The following CAPN3 variants were observed in gnomAD, a reference collection of about 807,000 sequenced individuals.
The protein encoded by CAPN3 is calpain-3.
Under a neutral mutation model 114.0 loss-of-function variants are expected in CAPN3, and 88 were observed. The observed-to-expected ratio is 0.77, with a 90% CI of 0.65 to 0.92. The LOEUF (loss-of-function observed/expected upper bound fraction) is 0.92, where lower values mean the gene tolerates loss of function less well. CAPN3 is among the 40% of genes least tolerant of loss of function. CAPN3 has a pLI of 0.00. For missense variants in CAPN3, 1,028 were observed against 1,069.0 expected, an observed-to-expected ratio of 0.96 and a Z score of 0.53; for synonymous variants, 386 against 382.9, an observed-to-expected ratio of 1.01 and a Z score of -0.09.
intron 14 of CAPN3, chr15:42,404,690 A>G: frequency 1.7e-6 from 2 of 1,184,564 alleles, no homozygotes; most frequent in Non-Finnish European, 2.1e-6. Flanking sequence ...TAGTCAGCTG[A>G]CAGTCCTTTG....
Position 42,409,995 on chromosome 15 carries a change from T to C in CAPN3, c.2115T>C (p.Asp705=), listed in dbSNP as rs2054158589. The C allele has an allele frequency of 3.1e-6, 5 of 1,611,788 alleles. No homozygotes were observed. The highest frequency in any genetic ancestry group is 4.2e-6 in the Non-Finnish European group (5 of 1,179,688). ...ESCRSMIALM[D]TDGSGKLNLQ... is the part of the protein sequence containing the mutation. ...GCCGTAGCATGATTGCGCTCATGGA[T>C]GTATCCTTCCTGCCGCCCCTTCCCG... Residue 705 remains aspartate (D), a splice_region_variant and synonymous_variant, in exon 19 of 24, where the codon GAT becomes GAC. Transcript: ENST00000397163.
chr15:42,378,974 G>C (rs1298263767), intron 1 of CAPN3, among the ~76,000 whole-genome samples: 1 of 152,058 alleles, frequency 6.6e-6, no homozygotes, highest in Non-Finnish European at 1.5e-5. Flanking sequence ...TTGATTTCGA[G>C]TATCATTCCA....
Position 42,410,413 on chromosome 15 carries a change from A to C in CAPN3, c.2116-15A>C. 6.2e-7 allele frequency: 1 copy of C among 1,613,272 alleles called. No individual in the cohort carries two copies. The highest frequency in any genetic ancestry group is 8.5e-7 in the Non-Finnish European group (1 of 1,179,662). On this transcript the variant is annotated splice_polypyrimidine_tract_variant and intron_variant, in intron 19 of 23. Coordinates refer to ENST00000397163, the MANE Select transcript of CAPN3 (RefSeq NM_000070.3). ...TTTTGCTGTGTGCTGTGTAGCCCTG[A>C]CCTCCCTCCTCCAGACAGATGGCTC...
intron 1 of CAPN3, among the ~76,000 whole-genome samples, chr15:42,360,388 C>T (rs1438185537): frequency 6.6e-6 from 1 of 151,536 alleles, no homozygotes; most frequent in Non-Finnish European, 1.5e-5. Context: ...AAAAATCTTG[C>T]TTTTTATAAA....
At chr15:42,388,488 G>A (rs1452761548) in intron 4 of CAPN3, among the ~76,000 whole-genome samples, 1 of 151,994 alleles carries the variant, frequency 6.6e-6, no homozygotes, top group Non-Finnish European at 1.5e-5. Context: ...GTATTTTTTT[G>A]TAGAGACGGG....
At chr15:42,361,099 A>G (rs1034422025) in intron 1 of CAPN3, among the ~76,000 whole-genome samples, 1 of 152,194 alleles carries the variant, frequency 6.6e-6, no homozygotes, top group Non-Finnish European at 1.5e-5. Flanking sequence ...AACCTGGTCC[A>G]GGGAGACAAA....
chr15:42,382,744 G>A (rs2053284438), intron 1 of CAPN3, among the ~76,000 whole-genome samples: 1 of 151,970 alleles, frequency 6.6e-6, no homozygotes, highest in East Asian at 1.9e-4. Flanking sequence ...TTATGGTTTT[G>A]GTTTTTGTCC....
At chr15:42,376,767 A>G (rs186115957) in intron 1 of CAPN3, among the ~76,000 whole-genome samples, 59 of 152,290 alleles carry the variant, frequency 3.9e-4, no homozygotes, top group Admixed American at 3.8e-3. Context: ...GAAAGGAGAT[A>G]TGTGTGTGTA....
intron 14 of CAPN3, among the ~76,000 whole-genome samples, chr15:42,405,676 T>C (rs1284676831): frequency 1.3e-5 from 2 of 152,142 alleles, no homozygotes; most frequent in Non-Finnish European, 2.9e-5. Flanking sequence ...TTCCTTGCCA[T>C]ATGCAGTAAG....
Position 42,410,572 on chromosome 15 carries a change from A to G in CAPN3, c.2185-16A>G, listed in dbSNP as rs1339644598. 2 of 1,613,548 alleles carry G rather than the reference A, an allele frequency of 1.2e-6. No homozygotes were observed. Among genetic ancestry groups the G allele is most frequent in the African/African-American group, 1.3e-5 (1 of 74,866 alleles). On this transcript the variant is annotated splice_polypyrimidine_tract_variant and intron_variant, in intron 20 of 23. Transcript: ENST00000397163. ...ATTCAGTGTGTGACCTCCATCCTCA[A>G]ATTTTCTATTGCCAGAAAATTTTCA...
intron 3 of CAPN3, 150 bp downstream of exon 3, chr15:42,386,435 C>T (rs2053409625): frequency 1.3e-6 from 1 of 743,280 alleles, no homozygotes; most frequent in South Asian, 1.4e-5. Flanking sequence ...GGCTTCAAGC[C>T]TGGGAGGAAG....
intron 1 of CAPN3, among the ~76,000 whole-genome samples, chr15:42,380,557 A>G (rs1395614074): frequency 6.2e-5 from 9 of 145,334 alleles, no homozygotes; most frequent in Admixed American, 3.4e-4. Context: ...ATATGTTTGT[A>G]TGTGTGTGTG....
intron 1 of CAPN3, among the ~76,000 whole-genome samples, chr15:42,369,379 C>G (rs1042196966): frequency 2.6e-5 from 4 of 152,038 alleles, no homozygotes; most frequent in Non-Finnish European, 5.9e-5. Flanking sequence ...TGCTCCTGCT[C>G]TGTCACTAGC....
chr15:42,402,272 T>A (rs1255364539), intron 12 of CAPN3, 137 bp downstream of exon 12: 25 of 1,597,262 alleles, frequency 1.6e-5, no homozygotes, highest in Non-Finnish European at 2.0e-5. Context: ...CCTGTGTTAT[T>A]TCCACTGCAG....
chr15:42,400,830 A>C (rs1244152194), intron 10 of CAPN3, among the ~76,000 whole-genome samples: 3 of 152,182 alleles, frequency 2.0e-5, no homozygotes, highest in Admixed American at 6.6e-5. Flanking sequence ...GATTTGTAAT[A>C]GAGCATCGGA....
intron 5 of CAPN3, among the ~76,000 whole-genome samples, chr15:42,389,391 G>A (rs1005802986): frequency 3.3e-5 from 5 of 152,168 alleles, no homozygotes; most frequent in African/African-American, 7.2e-5. Context: ...GTCTCAGCAC[G>A]CTCCCATTAA....
At position 42,389,959 on chromosome 15, in the gene CAPN3, A is replaced by C. The variant is rs1342371317; in HGVS notation, c.808A>C (p.Thr270Pro). The change falls in exon 6 of 24, where the codon ACG becomes CCG. Residue 270 changes from threonine to proline, a missense_variant. Thr to Pro is a conservative substitution (Grantham distance 38, BLOSUM62 -1). Coordinates refer to ENST00000397163, the MANE Select transcript of CAPN3 (RefSeq NM_000070.3). ...ATTCTCCATCGGGCCTCAGGATGGCACGAACATGACCTATGGAACCTCTCC... is the reference window on the plus strand; with the variant it reads ...ATTCTCCATCGGGCCTCAGGATGGCCCGAACATGACCTATGGAACCTCTCC... Reference protein sequence around the residue: ...SLMGCSIDDGTNMTYGTSPSG... With the variant: ...SLMGCSIDDGPNMTYGTSPSG... 2 of 1,613,866 alleles carry C rather than the reference A, an allele frequency of 1.2e-6. No homozygotes were observed. Among genetic ancestry groups the C allele is most frequent in the Non-Finnish European group, 1.7e-6 (2 of 1,179,964 alleles).
chr15:42,399,650 C>G lies in CAPN3; in HGVS notation c.1352C>G (p.Pro451Arg). The change falls in exon 10 of 24, where the codon CCA (proline) becomes CGA (arginine). Residue 451 changes from proline to arginine, a missense_variant and splice_region_variant. Physicochemically the swap from Pro to Arg is moderately radical, Grantham distance 103 (BLOSUM62 -2). Coordinates refer to ENST00000397163, the MANE Select transcript of CAPN3 (RefSeq NM_000070.3). ...GCSAGGCRNF[P>R]DTFWTNPQYR... The stretch of plus-strand genomic sequence containing the variant: ...TCTGCCGGAGGCTGCCGCAACTTCC[C>G]AGGTGGGAGATGCTCTTGATGGGGG... 1.3e-6 allele frequency: 2 copies of G among 1,599,028 alleles called. No homozygotes were observed. Among genetic ancestry groups the G allele is most frequent in the Non-Finnish European group, 1.7e-6 (2 of 1,171,598 alleles).
chr15:42,408,601 A>C, intron 16 of CAPN3: 1 of 426,194 alleles, frequency 2.3e-6, no homozygotes, highest in East Asian at 5.4e-5. Flanking sequence ...GGGGAGGCAA[A>C]GGCTGAGACA....
Sources: gnomAD v4.1 joint callset for allele counts (sites outside exome capture counted in the v4.1 genomes callset) on GRCh38, gnomAD v4.1.1 for gene constraint, MANE v1.5 for transcripts, NCBI Gene and HGNC (gene_info 2026-07-23, HGNC 2026-07-21) for gene names.